Variants in PCDHA1 observed in about 807,000 individuals in gnomAD.
PCDHA1 encodes protocadherin alpha 1.
In PCDHA1, 42 loss-of-function variants were observed where a neutral mutation model predicts 61.3. The observed-to-expected ratio is 0.69, with a 90% CI of 0.54 to 0.89. The LOEUF is 0.89. Among genes scored for constraint, PCDHA1 ranks in the 40% least tolerant of loss-of-function variants. The pLI is 0.00. For missense variants in PCDHA1, 1,256 were observed against 1,235.3 expected, an observed-to-expected ratio of 1.02 and a Z score of -0.25; for synonymous variants, 610 against 553.8, an observed-to-expected ratio of 1.10 and a Z score of -1.43.
In PCDHA1 at chr5:140,822,273, A is replaced by G. The variant is rs2150115074; in HGVS notation, c.2394+33589A>G. 5 of 1,614,260 alleles carry G rather than the reference A, an allele frequency of 3.1e-6. No homozygotes were observed. The East Asian group carries it at 1.1e-4, about 36-fold the overall frequency. On this transcript the variant is annotated intron_variant, in intron 1 of 3. Coordinates refer to ENST00000504120, the MANE Select transcript of PCDHA1 (RefSeq NM_018900.4). ...ATTTGGATATTGGAGCAAATGCACA[A>G]TTGAGATACAGGTTAAATCCAAACG...
At chr5:140,835,194 G>A in intron 1 of PCDHA1, 1 of 1,544,758 alleles carries the variant, frequency 6.5e-7, no homozygotes, top group Non-Finnish European at 8.8e-7. Context: ...AGATTTAGAC[G>A]AAGGCTTGAA....
chr5:140,876,515 C>G (rs782705478), intron 1 of PCDHA1: 4 of 1,613,960 alleles, frequency 2.5e-6, no homozygotes, highest in Non-Finnish European at 3.4e-6. Flanking sequence ...GACAATGTCC[C>G]TGAAGTAATG....
chr5:140,815,697 T>C (rs1765780636), intron 1 of PCDHA1: 1 of 152,188 alleles, frequency 6.6e-6, no homozygotes, highest in Non-Finnish European at 1.5e-5. Flanking sequence ...AAAATACCTA[T>C]GTATTTCTGT....
At chr5:140,889,339 G>A (rs1554183871) in intron 1 of PCDHA1, among the ~76,000 whole-genome samples, 1 of 151,948 alleles carries the variant, frequency 6.6e-6, no homozygotes, top group Admixed American at 6.6e-5. Flanking sequence ...TTTGATTGGT[G>A]GGAATATTTC....
rs139512124 is a variant in PCDHA1 at position 140,802,478 on chromosome 5, T to A, written c.2394+13794T>A. The A allele has an allele frequency of 4.5e-4, 720 of 1,614,166 alleles. 5 individuals carry two copies. The East Asian group carries it at 0.012, about 27-fold the overall frequency. On this transcript the variant is annotated intron_variant, in intron 1 of 3. Coordinates refer to ENST00000504120, the MANE Select transcript of PCDHA1 (RefSeq NM_018900.4). ...CGGCCTATGAGCTGGTGGTGACTGC[T>A]CGGGACGGGGGCTCGCCTTCACTGT...
At chr5:140,802,398 T>A (rs781823322) in intron 1 of PCDHA1, 2 of 1,614,238 alleles carry the variant, frequency 1.2e-6, no homozygotes. Flanking sequence ...GGTGTCCACC[T>A]TCAAGAATTA....
chr5:140,851,858 A>T, intron 1 of PCDHA1: 3 of 973,970 alleles, frequency 3.1e-6, no homozygotes, highest in Non-Finnish European at 3.7e-6. Flanking sequence ...CTCTCAGCTC[A>T]TACATAACAC....
chr5:140,887,672 T>G (rs2061538471), intron 1 of PCDHA1, among the ~76,000 whole-genome samples: 1 of 152,180 alleles, frequency 6.6e-6, no homozygotes, highest in Admixed American at 6.5e-5. Flanking sequence ...GGATTTATCA[T>G]TTTCATCAAA....
chr5:140,986,371 G>A (rs1453761888), intron 3 of PCDHA1, among the ~76,000 whole-genome samples: 1 of 152,116 alleles, frequency 6.6e-6, no homozygotes, highest in African/African-American at 2.4e-5. Context: ...AATGCGTTTT[G>A]GGGGGAGGGA....
chr5:140,983,039 A>C (rs1554245052), intron 3 of PCDHA1, among the ~76,000 whole-genome samples: 1 of 152,036 alleles, frequency 6.6e-6, no homozygotes, highest in Non-Finnish European at 1.5e-5. Flanking sequence ...TTTCTCATGG[A>C]AGTGGAAAAT....
chr5:140,878,927 A>G (rs1176306554), intron 1 of PCDHA1, among the ~76,000 whole-genome samples: 1 of 152,216 alleles, frequency 6.6e-6, no homozygotes, highest in African/African-American at 2.4e-5. Context: ...TCAATCAATA[A>G]TTTTAAATAA....
At chr5:140,830,235 T>A in intron 1 of PCDHA1, 3 of 1,613,922 alleles carry the variant, frequency 1.9e-6, no homozygotes, top group Non-Finnish European at 2.5e-6. Flanking sequence ...GTCCTCACGC[T>A]ACTGCTGTAC....
chr5:140,875,192 C>A, intron 1 of PCDHA1: 2 of 509,100 alleles, frequency 3.9e-6, no homozygotes, highest in Non-Finnish European at 6.3e-6. Context: ...AAGAGTGACC[C>A]AGGAAGTGGC....
At chr5:140,827,212 TAAAGG>T (rs2150084173) in intron 1 of PCDHA1, among the ~76,000 whole-genome samples, 1 of 152,096 alleles carries the variant, frequency 6.6e-6, no homozygotes, top group Admixed American at 6.5e-5. Flanking sequence ...TGAGAACAAT[TAAAGG>T]AAAGGATATG....
At chr5:140,941,506 G>A (rs556309408) in intron 1 of PCDHA1, among the ~76,000 whole-genome samples, 3 of 151,236 alleles carry the variant, frequency 2.0e-5, no homozygotes, top group Non-Finnish European at 4.4e-5. Flanking sequence ...TAGTAGAGAC[G>A]AGGTTTCACC....
chr5:140,823,159 T>C, intron 1 of PCDHA1: 2 of 1,613,740 alleles, frequency 1.2e-6, no homozygotes, highest in Non-Finnish European at 1.7e-6. Flanking sequence ...GTATACCGTG[T>C]TCGTGAAGGA....
At chr5:140,904,116 T>C (rs1233566335) in intron 1 of PCDHA1, among the ~76,000 whole-genome samples, 3 of 152,180 alleles carry the variant, frequency 2.0e-5, no homozygotes, top group African/African-American at 7.2e-5. Context: ...TTGCTGAGAT[T>C]TTGGTGCACC....
chr5:140,836,445 G>C, intron 1 of PCDHA1: 1 of 1,613,836 alleles, frequency 6.2e-7, no homozygotes, highest in Non-Finnish European at 8.5e-7. Flanking sequence ...GGGCATTGCA[G>C]GCCCAGAGAC....
At chr5:140,971,782 A>G (rs1458049076) in intron 1 of PCDHA1, among the ~76,000 whole-genome samples, 1 of 152,166 alleles carries the variant, frequency 6.6e-6, no homozygotes, top group Non-Finnish European at 1.5e-5. Context: ...ATTCAAGATT[A>G]TTCAATATAT....
Sources: gnomAD v4.1 joint callset for allele counts (sites outside exome capture counted in the v4.1 genomes callset) on GRCh38, gnomAD v4.1.1 for gene constraint, MANE v1.5 for transcripts, NCBI Gene and HGNC (gene_info 2026-07-23, HGNC 2026-07-21) for gene names.